KCNT2: variants seen among roughly 807,000 people sequenced by gnomAD.
The protein encoded by KCNT2 is potassium channel subfamily T member 2.
A neutral mutation model predicts 153.8 loss-of-function variants in KCNT2; 67 were observed. The ratio of observed to expected loss-of-function variants is 0.44; its 90% CI spans 0.36 to 0.53. The LOEUF (loss-of-function observed/expected upper bound fraction) is 0.53. KCNT2 is among the 20% of genes least tolerant of loss of function. The probability of loss-of-function intolerance (pLI) is 0.00; values close to 1 mark genes in which losing one functional copy is unlikely to be tolerated. For synonymous variants in KCNT2, 500 were observed against 458.8 expected, an observed-to-expected ratio of 1.09 and a Z score of -1.15; for missense variants, 975 against 1,354.8, an observed-to-expected ratio of 0.72 and a Z score of 4.40.
chr1:196,334,848 G>C (rs1159533671), intron 16 of KCNT2, among the ~76,000 whole-genome samples: 4 of 151,962 alleles, frequency 2.6e-5, no homozygotes, highest in African/African-American at 9.7e-5. Context: ...ATTTTTATTT[G>C]ATAGGAGAGA....
intron 10 of KCNT2, among the ~76,000 whole-genome samples, chr1:196,427,238 T>C (rs766747312): frequency 2.0e-5 from 3 of 151,966 alleles, no homozygotes; most frequent in Non-Finnish European, 4.4e-5. Context: ...CCATTTAAGA[T>C]AGAACAAAAT....
chr1:196,520,639 T>G (rs1358839296), intron 1 of KCNT2, among the ~76,000 whole-genome samples: 1 of 151,894 alleles, frequency 6.6e-6, no homozygotes, highest in Non-Finnish European at 1.5e-5. Flanking sequence ...CCAGAAATAA[T>G]GGTGAACACC....
rs545903561 is a variant in KCNT2 at position 196,285,297 on chromosome 1, A to G, written c.2697+360T>C. ...AAACCTGGAAAAAATGTATACTATAAGGAATGCTGTTTTTATTAAGTTGGT... is the reference window on the plus strand; with the variant it reads ...AAACCTGGAAAAAATGTATACTATAGGGAATGCTGTTTTTATTAAGTTGGT... On this transcript the variant is annotated intron_variant, in intron 23 of 27. Coordinates refer to ENST00000294725, the MANE Select transcript of KCNT2 (RefSeq NM_198503.5). Among the ~76,000 whole-genome samples the G allele has an allele frequency of 2.2e-3, 329 of 152,314 alleles. 2 individuals are homozygous for G. The highest frequency in any genetic ancestry group is 4.2e-3 in the Non-Finnish European group (286 of 68,022).
At chr1:196,567,345 G>T (rs1278929852) in intron 1 of KCNT2, among the ~76,000 whole-genome samples, 1 of 152,018 alleles carries the variant, frequency 6.6e-6, no homozygotes, top group Non-Finnish European at 1.5e-5. Flanking sequence ...TCTGTCAAGG[G>T]CAAAGATCAA....
At position 196,421,260 on chromosome 1, in the gene KCNT2, T is replaced by A. The variant is rs868590144; in HGVS notation, c.1185+1790A>T. Among the ~76,000 whole-genome samples the A allele has an allele frequency of 2.0e-5, 3 of 152,044 alleles. 1 individual carries two copies. In the South Asian group the frequency reaches 6.2e-4, roughly 32 times the overall value. On this transcript the variant is annotated intron_variant, in intron 12 of 27. Coordinates refer to ENST00000294725, the MANE Select transcript of KCNT2 (RefSeq NM_198503.5). ...AGTAGTGTCAGGAAAAAAAAGAGAA[T>A]GCATTTGATTAACTAAAACCTTCCA...
rs561579998 is a variant in KCNT2, at chr1:196,391,488, C to G, written c.1294+7075G>C. ...AAATAAGTATTATTTTACTCTGGTA[C>G]TCAGAACCAAGAAATTGGGTGTTTG... On this transcript the variant is annotated intron_variant, in intron 13 of 27. Coordinates refer to ENST00000294725, the MANE Select transcript of KCNT2 (RefSeq NM_198503.5). Among the ~76,000 whole-genome samples the G allele has an allele frequency of 9.4e-4, 143 of 151,332 alleles. 1 individual carries two copies. The South Asian group carries it at 0.012, about 13-fold the overall frequency.
intron 25 of KCNT2, among the ~76,000 whole-genome samples, chr1:196,259,996 T>C (rs1656859408): frequency 6.6e-6 from 1 of 151,884 alleles, no homozygotes; most frequent in South Asian, 2.1e-4. Context: ...AACTCTTAAG[T>C]AATACGTACC....
chr1:196,272,155 C>T (rs554267067), intron 25 of KCNT2, among the ~76,000 whole-genome samples: 11 of 151,904 alleles, frequency 7.2e-5, no homozygotes, highest in Non-Finnish European at 1.6e-4. Flanking sequence ...AAGCCCAGTG[C>T]TAATTGGTCA....
chr1:196,422,668 T>C (rs1469258736), intron 12 of KCNT2, among the ~76,000 whole-genome samples: 1 of 151,876 alleles, frequency 6.6e-6, no homozygotes, highest in Non-Finnish European at 1.5e-5. Context: ...CTCAAATGCA[T>C]AGTTTTGAGA....
chr1:196,417,260 G>T (rs112105931), intron 12 of KCNT2, among the ~76,000 whole-genome samples: 2,135 of 152,126 alleles, frequency 0.014, 26 homozygotes, highest in Non-Finnish European at 0.02. Flanking sequence ...CATCTCAAGG[G>T]TTATGTGAAG....
chr1:196,258,251 G>C lies in KCNT2; in HGVS notation c.3154C>G (p.Leu1052Val). ...NLYRRSERQE[L>V]AELVKNRMKH... The stretch of plus-strand genomic sequence containing the variant: ...ATTCTATTTTTCACAAGTTCAGCAA[G>C]CTCTTGTCTTTCTGACCTCCTGTAG... Residue 1052 changes from leucine to valine, a missense_variant, in exon 26 of 28, where the codon CTT becomes GTT. By Grantham distance (32) the Leu-to-Val change is conservative. Transcript: ENST00000294725. The C allele has an allele frequency of 6.2e-7, 1 of 1,614,016 alleles. No individual in the cohort carries two copies. The highest frequency in any genetic ancestry group is 8.5e-7 in the Non-Finnish European group (1 of 1,179,932).
intron 18 of KCNT2, among the ~76,000 whole-genome samples, chr1:196,328,655 A>G (rs976970347): frequency 6.6e-6 from 1 of 151,830 alleles, no homozygotes; most frequent in Non-Finnish European, 1.5e-5. Context: ...AAACCAGAAA[A>G]CTAAATTAAC....
At chr1:196,591,897 T>C (rs1481649512) in intron 1 of KCNT2, among the ~76,000 whole-genome samples, 1 of 152,130 alleles carries the variant, frequency 6.6e-6, no homozygotes, top group East Asian at 1.9e-4. Flanking sequence ...TCAGAGCAAC[T>C]CGATAATAAA....
chr1:196,459,070 C>G (rs533797329), intron 8 of KCNT2, among the ~76,000 whole-genome samples: 14 of 151,674 alleles, frequency 9.2e-5, no homozygotes, highest in Admixed American at 5.3e-4. Flanking sequence ...ATGAAACATA[C>G]GATCATTTGA....
At chr1:196,379,855 T>C (rs1669326425) in intron 13 of KCNT2, among the ~76,000 whole-genome samples, 1 of 152,126 alleles carries the variant, frequency 6.6e-6, no homozygotes, top group South Asian at 2.1e-4. Context: ...ATTACAGTAG[T>C]GTTTACCTCA....
intron 8 of KCNT2, among the ~76,000 whole-genome samples, chr1:196,437,662 A>C (rs1273775499): frequency 6.6e-6 from 1 of 150,860 alleles, no homozygotes; most frequent in Non-Finnish European, 1.5e-5. Context: ...TCTTTTTAGT[A>C]TAATTTCTCC....
chr1:196,497,859 G>A (rs997521161), intron 1 of KCNT2, among the ~76,000 whole-genome samples: 1 of 151,988 alleles, frequency 6.6e-6, no homozygotes, highest in African/African-American at 2.4e-5. Context: ...TTTACTGTTG[G>A]ATTCATTTTC....
In KCNT2 at chr1:196,278,412, A is replaced by T. The variant is rs576069054; in HGVS notation, c.2910+2448T>A. ...GATGGATTGAATTCAGTAGAGAAAA[A>T]CAAGAGGCATTATTTTTATTTAAAA... is the stretch of plus-strand genomic sequence containing the variant. On this transcript the variant is annotated intron_variant, in intron 25 of 27. Coordinates refer to ENST00000294725, the MANE Select transcript of KCNT2 (RefSeq NM_198503.5). Among the ~76,000 whole-genome samples the T allele has an allele frequency of 2.8e-4, 42 of 152,286 alleles. No homozygotes were observed. In the South Asian group the frequency reaches 8.5e-3, roughly 31 times the overall value.
chr1:196,259,139 T>C (rs1656778096), intron 25 of KCNT2, among the ~76,000 whole-genome samples: 1 of 152,158 alleles, frequency 6.6e-6, no homozygotes, highest in South Asian at 2.1e-4. Flanking sequence ...TTCTAAGTAT[T>C]CTGAGTGAAA....
Sources: gnomAD v4.1 joint callset for allele counts (sites outside exome capture counted in the v4.1 genomes callset) on GRCh38, gnomAD v4.1.1 for gene constraint, MANE v1.5 for transcripts, NCBI Gene and HGNC (gene_info 2026-07-23, HGNC 2026-07-21) for gene names.